The following FOXP2 variants were observed in gnomAD, a reference collection of about 807,000 sequenced individuals.
FOXP2 encodes forkhead box P2.
A neutral mutation model predicts 115.8 loss-of-function variants in FOXP2; 12 were observed. The ratio of observed to expected loss-of-function variants is 0.10; its 90% CI spans 0.07 to 0.17. FOXP2 has a LOEUF of 0.17. Among genes scored for constraint, FOXP2 ranks in the 10% least tolerant of loss-of-function variants. The probability of loss-of-function intolerance (pLI) is 1.00; values close to 1 mark genes in which losing one functional copy is unlikely to be tolerated. For synonymous variants in FOXP2, 328 were observed against 297.7 expected (o/e 1.10, Z -1.05); for missense variants, 629 against 843.5 (o/e 0.75, Z 3.15).
chr7:114,226,416 A>T (rs1794751260), intron 1 of FOXP2, among the ~76,000 whole-genome samples: 1 of 152,206 alleles, frequency 6.6e-6, no homozygotes, highest in African/African-American at 2.4e-5. Flanking sequence ...AAGATGGAAC[A>T]ATTCATGTGA....
intron 6 of FOXP2, among the ~76,000 whole-genome samples, chr7:114,638,473 C>T (rs1034980810): frequency 3.3e-5 from 5 of 152,116 alleles, no homozygotes; most frequent in African/African-American, 7.2e-5. Flanking sequence ...TCATTGCAAA[C>T]CATCAAGCCT....
chr7:114,617,687 G>A (rs569621735), intron 3 of FOXP2, among the ~76,000 whole-genome samples: 10 of 152,252 alleles, frequency 6.6e-5, no homozygotes, highest in South Asian at 2.1e-4. Flanking sequence ...CAGCTATTCC[G>A]GAGGCTAAGG....
At chr7:114,524,488 T>C (rs920968107) in intron 2 of FOXP2, among the ~76,000 whole-genome samples, 1 of 152,064 alleles carries the variant, frequency 6.6e-6, no homozygotes, top group African/African-American at 2.4e-5. Context: ...CTACCCCTTG[T>C]AGAAAGAGAA....
chr7:114,334,928 A>AATATATATATAT (rs1425036052), intron 2 of FOXP2, among the ~76,000 whole-genome samples: 14 of 111,822 alleles, frequency 1.3e-4, no homozygotes, highest in East Asian at 4.4e-4. Flanking sequence ...TATATATAGA[A>AATATATATATAT]ATCTATATAT....
intron 3 of FOXP2, among the ~76,000 whole-genome samples, chr7:114,544,785 C>A (rs1014408943): frequency 2.6e-5 from 4 of 152,204 alleles, no homozygotes; most frequent in Non-Finnish European, 5.9e-5. Context: ...GCATTTAAAA[C>A]ATATTAACTG....
intron 16 of FOXP2, chr7:114,667,079 TCTC>T (rs1253874909): frequency 1.1e-4 from 16 of 152,174 alleles, no homozygotes; most frequent in African/African-American, 3.9e-4. Flanking sequence ...TCCATTTTCT[TCTC>T]CTTCTTTCTT....
rs540153519 is a variant in FOXP2 at position 114,534,577 on chromosome 7, T to C, written c.169-40T>C. On this transcript the variant is annotated intron_variant, in intron 2 of 16. Coordinates refer to ENST00000350908, the MANE Select transcript of FOXP2 (RefSeq NM_014491.4). ...CAAGAGATAATTGATAACTTAACTT[T>C]CAACAAAATATTTAGATAAGGTTTC... 10 of 1,553,734 alleles carry C rather than the reference T, an allele frequency of 6.4e-6. No homozygotes were observed. In the Admixed American group the frequency reaches 1.3e-4, roughly 21 times the overall value.
chr7:114,648,267 GC>G (rs913260417), intron 8 of FOXP2, among the ~76,000 whole-genome samples: 34 of 151,916 alleles, frequency 2.2e-4, no homozygotes, highest in Admixed American at 1.9e-3. Flanking sequence ...TGGTGACAGT[GC>G]CCCCCCATCT....
At chr7:114,433,227 T>G (rs993835632) in intron 2 of FOXP2, among the ~76,000 whole-genome samples, 4 of 152,022 alleles carry the variant, frequency 2.6e-5, no homozygotes, top group Non-Finnish European at 5.9e-5. Flanking sequence ...ATCCATTCAG[T>G]TAATAAAAGT....
At chr7:114,247,643 C>T (rs991050215) in intron 1 of FOXP2, among the ~76,000 whole-genome samples, 2 of 152,084 alleles carry the variant, frequency 1.3e-5, no homozygotes, top group Admixed American at 6.6e-5. Flanking sequence ...ATGTTTTTAA[C>T]GTAGTATTCA....
Position 114,514,086 on chromosome 7 carries a change from TACACACACACAC to T in FOXP2, c.169-20510_169-20499del, listed in dbSNP as rs141664873. Among the ~76,000 whole-genome samples the T allele has an allele frequency of 2.4e-3, 355 of 148,478 alleles. 1 individual carries two copies. The highest frequency in any genetic ancestry group is 4.2e-3 in the African/African-American group (170 of 40,404). ...AAATTGATCTTAACATTGTATCTTA[TACACACACACAC>T]ACACACACACACACACACACGCCAT... On this transcript the variant is annotated intron_variant, in intron 2 of 16. Coordinates refer to ENST00000350908, the MANE Select transcript of FOXP2 (RefSeq NM_014491.4).
intron 2 of FOXP2, among the ~76,000 whole-genome samples, chr7:114,352,437 C>T (rs1791516242): frequency 2.0e-5 from 3 of 152,112 alleles, no homozygotes; most frequent in African/African-American, 7.2e-5. Context: ...TAACATAGAC[C>T]AACAGTATAA....
At chr7:114,515,592 G>A (rs1406645971) in intron 2 of FOXP2, among the ~76,000 whole-genome samples, 1 of 151,610 alleles carries the variant, frequency 6.6e-6, no homozygotes, top group African/African-American at 2.4e-5. Flanking sequence ...AAATTTGTTT[G>A]AGTTCATTGT....
intron 5 of FOXP2, chr7:114,630,740 G>T (rs1334850885): frequency 6.5e-6 from 1 of 153,140 alleles, no homozygotes; most frequent in Non-Finnish European, 1.5e-5. Flanking sequence ...CTACAGAATA[G>T]AAATTGCTCC....
chr7:114,426,263 G>A (rs1408964848), intron 1 of FOXP2, among the ~76,000 whole-genome samples: 1 of 151,704 alleles, frequency 6.6e-6, no homozygotes, highest in Non-Finnish European at 1.5e-5. Context: ...TGCATGGTAT[G>A]TTACTTTGGC....
intron 1 of FOXP2, among the ~76,000 whole-genome samples, chr7:114,264,051 G>A (rs751911563): frequency 5.9e-5 from 9 of 152,090 alleles, no homozygotes; most frequent in Non-Finnish European, 8.8e-5. Flanking sequence ...CCGCCCAGGA[G>A]TTCTGAAAGT....
chr7:114,411,305 T>C (rs1562909546), upstream of FOXP2, among the ~76,000 whole-genome samples: 1 of 152,118 alleles, frequency 6.6e-6, no homozygotes. Context: ...AAATGCTGAT[T>C]AAAATAAATA....
intron 3 of FOXP2, chr7:114,570,860 G>C: frequency 6.2e-7 from 1 of 1,611,898 alleles, no homozygotes; most frequent in South Asian, 1.1e-5. Context: ...CTGGTGATGG[G>C]CATCCTCACA....
intron 1 of FOXP2, among the ~76,000 whole-genome samples, chr7:114,250,772 C>A (rs1280444607): frequency 1.3e-5 from 2 of 152,254 alleles, no homozygotes; most frequent in Admixed American, 1.3e-4. Context: ...ATAGTAGTTT[C>A]TTTTGCTGTG....
Sources: gnomAD v4.1 joint callset for allele counts (sites outside exome capture counted in the v4.1 genomes callset) on GRCh38, gnomAD v4.1.1 for gene constraint, MANE v1.5 for transcripts, NCBI Gene and HGNC (gene_info 2026-07-23, HGNC 2026-07-21) for gene names.